The following ADGRB3 variants were observed in gnomAD, a reference collection of about 807,000 sequenced individuals.
ADGRB3 encodes the protein brain-specific angiogenesis inhibitor 3.
Under a neutral mutation model 193.4 loss-of-function variants are expected in ADGRB3, and 37 were observed. The observed-to-expected ratio is 0.19, with a 90% CI of 0.15 to 0.25. The LOEUF is 0.25. Among genes scored for constraint, ADGRB3 ranks in the 10% least tolerant of loss-of-function variants. The pLI is 1.00. For missense variants in ADGRB3, 1,637 were observed against 1,852.9 expected (o/e 0.88, Z 2.14); for synonymous variants, 690 against 644.2 (o/e 1.07, Z -1.08).
At chr6:68,809,624 T>TA (rs1053238118) in intron 3 of ADGRB3, among the ~76,000 whole-genome samples, 1 of 152,198 alleles carries the variant, frequency 6.6e-6, no homozygotes, top group Non-Finnish European at 1.5e-5. Flanking sequence ...AAACTTAGCA[T>TA]AGGAAAAGCA....
At chr6:68,751,298 G>A (rs750111306) in intron 3 of ADGRB3, among the ~76,000 whole-genome samples, 4 of 151,976 alleles carry the variant, frequency 2.6e-5, no homozygotes, top group Non-Finnish European at 5.9e-5. Context: ...ATCCCTCTCG[G>A]TAAGAATATT....
rs1169888834 is a variant in ADGRB3, at chr6:68,765,987, C to G, written c.757+126555C>G. On this transcript the variant is annotated intron_variant, in intron 3 of 31. Transcript: ENST00000370598. ...TTGGTATACCTTAATAATAGCTTGT[C>G]TATTCTAAAATCACAAATTTATATG... Among the ~76,000 whole-genome samples, 3 of 151,826 alleles carry G rather than the reference C, an allele frequency of 2.0e-5. 1 individual carries two copies. The highest frequency in any genetic ancestry group is 4.8e-5 in the African/African-American group (2 of 41,376).
intron 3 of ADGRB3, among the ~76,000 whole-genome samples, chr6:68,801,782 A>G (rs1368313978): frequency 6.6e-6 from 1 of 152,184 alleles, no homozygotes; most frequent in East Asian, 1.9e-4. Context: ...TATTAAACAA[A>G]TGGAAACTCC....
At chr6:68,762,905 G>A (rs924944272) in intron 3 of ADGRB3, among the ~76,000 whole-genome samples, 2 of 151,988 alleles carry the variant, frequency 1.3e-5, no homozygotes, top group Non-Finnish European at 2.9e-5. Flanking sequence ...AGGGACATAG[G>A]GTTTAAAGAT....
chr6:68,911,867 G>T (rs1213829720), intron 3 of ADGRB3, among the ~76,000 whole-genome samples: 1 of 148,700 alleles, frequency 6.7e-6, no homozygotes, highest in African/African-American at 2.5e-5. Context: ...ACATCATTTG[G>T]TAGTTGTTTC....
Position 68,930,514 on chromosome 6 carries a change from A to G in ADGRB3, c.758-45A>G, listed in dbSNP as rs748248734. 9.0e-6 allele frequency: 12 copies of G among 1,337,864 alleles called. No individual in the cohort carries two copies. In the African/African-American group the frequency reaches 1.6e-4, roughly 18 times the overall value. The allele number at this position is 1,337,864 out of a possible 1,614,324, so 82.9% of individuals were successfully genotyped here. A position where few individuals can be genotyped will look rare whatever the true frequency, so the allele number is the denominator to read the frequency against. ...ATGAGACAGTAATGTAATTTGTGAG[A>G]AATGTCTACACACAAGCTTTCATAT... On this transcript the variant is annotated intron_variant, in intron 3 of 31. Transcript: ENST00000370598.
intron 20 of ADGRB3, among the ~76,000 whole-genome samples, chr6:69,260,079 T>C (rs1766891456): frequency 6.6e-6 from 1 of 152,230 alleles, no homozygotes; most frequent in South Asian, 2.1e-4. Context: ...GTGATGTGAT[T>C]TGTGCTCAGT....
chr6:68,786,829 T>G (rs1030403451), intron 3 of ADGRB3, among the ~76,000 whole-genome samples: 46 of 152,020 alleles, frequency 3.0e-4, no homozygotes, highest in African/African-American at 1.0e-3. Flanking sequence ...TTTTATTTCA[T>G]TGAGCAGTGG....
intron 8 of ADGRB3, among the ~76,000 whole-genome samples, chr6:68,961,382 A>G (rs1035955131): frequency 6.6e-6 from 1 of 152,074 alleles, no homozygotes; most frequent in African/African-American, 2.4e-5. Flanking sequence ...TCTCTTCCTG[A>G]GCAGTATATT....
intron 20 of ADGRB3, among the ~76,000 whole-genome samples, chr6:69,301,899 A>T (rs1767956562): frequency 6.6e-6 from 1 of 152,000 alleles, no homozygotes; most frequent in Admixed American, 6.6e-5. Context: ...ATTCAAGAAA[A>T]TGCAAAGTCA....
intron 3 of ADGRB3, among the ~76,000 whole-genome samples, chr6:68,744,100 A>G (rs1766034942): frequency 1.3e-5 from 2 of 152,122 alleles, no homozygotes; most frequent in Non-Finnish European, 2.9e-5. Context: ...GTAGTGTTGG[A>G]AAGAGATGGG....
chr6:69,273,453 A>T (rs1215890320), intron 20 of ADGRB3, among the ~76,000 whole-genome samples: 1 of 152,206 alleles, frequency 6.6e-6, no homozygotes, highest in Non-Finnish European at 1.5e-5. Flanking sequence ...AGATTATATT[A>T]TGGATCTGGA....
intron 3 of ADGRB3, among the ~76,000 whole-genome samples, chr6:68,645,612 A>C (rs1768191471): frequency 1.3e-5 from 2 of 152,206 alleles, no homozygotes; most frequent in Non-Finnish European, 2.9e-5. Flanking sequence ...GGAGTGTCAT[A>C]CTAAATGAGA....
intron 3 of ADGRB3, among the ~76,000 whole-genome samples, chr6:68,843,545 T>G (rs1399110031): frequency 6.6e-6 from 1 of 152,066 alleles, no homozygotes; most frequent in African/African-American, 2.4e-5. Context: ...TGGAAAGATA[T>G]TCCATGTTCA....
chr6:68,687,743 A>G (rs1765009279), intron 3 of ADGRB3, among the ~76,000 whole-genome samples: 1 of 152,198 alleles, frequency 6.6e-6, no homozygotes, highest in African/African-American at 2.4e-5. Flanking sequence ...AATGTAACTC[A>G]CACAGATAAA....
intron 3 of ADGRB3, among the ~76,000 whole-genome samples, chr6:68,903,439 A>T (rs1278783527): frequency 6.6e-6 from 1 of 152,174 alleles, no homozygotes; most frequent in Admixed American, 6.5e-5. Flanking sequence ...ACACATATTT[A>T]TTTGTCTCAG....
Position 68,975,212 on chromosome 6 carries a change from C to G in ADGRB3, c.1628-22C>G, listed in dbSNP as rs536472658. 7.5e-6 allele frequency: 12 copies of G among 1,596,160 alleles called. No homozygotes were observed. In the African/African-American group the frequency reaches 1.2e-4, roughly 16 times the overall value. ...CAAACATCCCTATTATAAAGCTTCTCTCTGTTCTTTGTGACACACAGGCAC... is the reference window on the plus strand; with the variant it reads ...CAAACATCCCTATTATAAAGCTTCTGTCTGTTCTTTGTGACACACAGGCAC... On this transcript the variant is annotated intron_variant, in intron 9 of 31. Coordinates refer to ENST00000370598, the MANE Select transcript of ADGRB3 (RefSeq NM_001704.3).
intron 17 of ADGRB3, among the ~76,000 whole-genome samples, chr6:69,225,956 A>G (rs1766004432): frequency 6.6e-6 from 1 of 152,192 alleles, no homozygotes; most frequent in Admixed American, 6.6e-5. Flanking sequence ...TCATGCTGTA[A>G]AGATACTTAT....
At chr6:68,957,931 T>G (rs1768123369) in intron 8 of ADGRB3, among the ~76,000 whole-genome samples, 2 of 152,194 alleles carry the variant, frequency 1.3e-5, no homozygotes. Context: ...CCAGGCATGT[T>G]GGCTCATACC....
Sources: gnomAD v4.1 joint callset for allele counts (sites outside exome capture counted in the v4.1 genomes callset) on GRCh38, gnomAD v4.1.1 for gene constraint, MANE v1.5 for transcripts, NCBI Gene and HGNC (gene_info 2026-07-23, HGNC 2026-07-21) for gene names.